NGDN: variants seen among roughly 807,000 people sequenced by gnomAD.
NGDN encodes the protein EIF4E-binding protein.
Under a neutral mutation model 45.2 loss-of-function variants are expected in NGDN, and 41 were observed. That is an observed-to-expected ratio of 0.91 (90% CI 0.71 to 1.18). The LOEUF is 1.18. Ranked by LOEUF, NGDN falls within the 50% of genes most tolerant of loss-of-function variation. The pLI, the probability that NGDN is intolerant of heterozygous loss-of-function variation, is 0.00. For missense variants in NGDN, 402 were observed against 399.9 expected, an observed-to-expected ratio of 1.01 and a Z score of -0.05; for synonymous variants, 137 against 130.9, an observed-to-expected ratio of 1.05 and a Z score of -0.32.
chr14:23,475,960 A>G, intron 6 of NGDN, 69 bp from the exon 7 acceptor site: 3 of 1,597,144 alleles, frequency 1.9e-6, no homozygotes, highest in Non-Finnish European at 2.6e-6. Flanking sequence ...AGGGTACTCC[A>G]GCTTTGGGTT....
chr14:23,475,087 A>G (rs1167653577), intron 3 of NGDN, 84 bp from the exon 4 acceptor site: 13 of 1,430,496 alleles, frequency 9.1e-6, no homozygotes, highest in East Asian at 2.3e-5. Flanking sequence ...TTGAACTTGG[A>G]AAAACATCCC....
intron 10 of NGDN, chr14:23,477,796 C>A (rs1893938793): frequency 6.9e-7 from 1 of 1,457,148 alleles, no homozygotes; most frequent in Non-Finnish European, 9.0e-7. Context: ...TTCAGGCTTC[C>A]CTAAATAGAA....
At chr14:23,472,099 C>T (rs576800429) in intron 3 of NGDN, among the ~76,000 whole-genome samples, 10 of 144,726 alleles carry the variant, frequency 6.9e-5, no homozygotes, top group Non-Finnish European at 1.0e-4. Context: ...GTGAATGGAT[C>T]GGTTGAGCCC....
At chr14:23,470,362 A>C in intron 2 of NGDN, 1 of 461,976 alleles carries the variant, frequency 2.2e-6, no homozygotes, top group South Asian at 2.6e-5. Context: ...GAATGGTAAC[A>C]TGACTTGCCC....
chr14:23,473,241 C>T (rs563275891), intron 3 of NGDN, among the ~76,000 whole-genome samples: 2 of 152,168 alleles, frequency 1.3e-5, no homozygotes, highest in African/African-American at 4.8e-5. Flanking sequence ...TCAGGTGATC[C>T]ACCCACCTCG....
At chr14:23,474,618 T>C (rs1406733137) in intron 3 of NGDN, among the ~76,000 whole-genome samples, 1 of 152,226 alleles carries the variant, frequency 6.6e-6, no homozygotes. Flanking sequence ...TATTACACTT[T>C]CTACAACTTG....
intron 3 of NGDN, among the ~76,000 whole-genome samples, chr14:23,473,514 A>G (rs1893831270): frequency 6.6e-6 from 1 of 152,056 alleles, no homozygotes. Context: ...CAGGGAGGAA[A>G]TGTACATATT....
rs1893920858 is a variant in NGDN at position 23,477,127 on chromosome 14, T to A, written c.714-73T>A. The A allele has an allele frequency of 5.5e-6, 8 of 1,456,138 alleles. No individual in the cohort carries two copies. In the South Asian group the frequency reaches 9.5e-5, roughly 17 times the overall value. The allele number at this position is 1,456,138 out of a possible 1,614,324, so 90.2% of individuals were successfully genotyped here. Reference sequence around the variant, plus strand: ...CCTGAACAAGAGATGAGTAGATACTTGGGCCCAGGTTGTGGGCTGGAGCTT... The same window carrying A: ...CCTGAACAAGAGATGAGTAGATACTAGGGCCCAGGTTGTGGGCTGGAGCTT... On this transcript the variant is annotated intron_variant, in intron 8 of 10. Coordinates refer to ENST00000408901, the MANE Select transcript of NGDN (RefSeq NM_001042635.2).
intron 6 of NGDN, 58 bp downstream of exon 6, chr14:23,475,836 C>G (rs1893889245): frequency 1.3e-6 from 2 of 1,527,800 alleles, no homozygotes; most frequent in South Asian, 1.1e-5. Flanking sequence ...CTAGATGAGC[C>G]TCTTGGTGAT....
rs200386931 is a variant in NGDN, at chr14:23,470,004, A to G, written c.13-38A>G. 6.2e-6 allele frequency: 10 copies of G among 1,608,980 alleles called. No homozygotes were observed. The African/African-American group carries it at 8.0e-5, about 13-fold the overall frequency. On this transcript the variant is annotated intron_variant, in intron 1 of 10. Transcript: ENST00000408901. ...TCCACTTTCCTATAATCCTGAGGAA[A>G]GAATGACTTTTCTTTACGCCTCCTC...
At chr14:23,478,254 G>T, downstream of NGDN, 2 of 437,338 alleles carry the variant, frequency 4.6e-6, no homozygotes, top group Non-Finnish European at 8.1e-6. Context: ...TGGTGAAAAG[G>T]GAAATTTTTT....
intron 3 of NGDN, among the ~76,000 whole-genome samples, chr14:23,473,477 T>C (rs1460076696): frequency 1.3e-5 from 2 of 152,176 alleles, no homozygotes; most frequent in Non-Finnish European, 2.9e-5. Flanking sequence ...CATTATCTTA[T>C]TTGGGCCTCA....
At chr14:23,474,579 A>C (rs1000009557) in intron 3 of NGDN, among the ~76,000 whole-genome samples, 1 of 146,462 alleles carries the variant, frequency 6.8e-6, no homozygotes, top group African/African-American at 2.5e-5. Flanking sequence ...ATCCCCCCCT[A>C]CACACACACA....
chr14:23,470,115 C>T lies in NGDN; in HGVS notation c.72+14C>T, dbSNP rs199535311. ...CTCCAGGAGCAAGTGAGTAGTGTCG[C>T]CTCTGGAATAAATTAGTCACGGATT... On this transcript the variant is annotated intron_variant, in intron 2 of 10. Transcript: ENST00000408901. 6 of 1,612,378 alleles carry T rather than the reference C, an allele frequency of 3.7e-6. No homozygotes were observed. The East Asian group carries it at 6.7e-5, about 18-fold the overall frequency.
At chr14:23,473,252 G>A (rs1370582202) in intron 3 of NGDN, among the ~76,000 whole-genome samples, 2 of 152,178 alleles carry the variant, frequency 1.3e-5, no homozygotes, top group Non-Finnish European at 2.9e-5. Context: ...ACCCACCTCG[G>A]CATCCCAAAG....
intron 3 of NGDN, among the ~76,000 whole-genome samples, chr14:23,472,615 TC>T (rs1893807957): frequency 1.3e-5 from 2 of 152,340 alleles, no homozygotes; most frequent in South Asian, 4.1e-4. Flanking sequence ...GGATCTCTCA[TC>T]CCTACTTAAC....
rs547054102 is a variant in NGDN at position 23,475,064 on chromosome 14, G to A, written c.145-107G>A. On this transcript the variant is annotated intron_variant, in intron 3 of 10. Transcript: ENST00000408901. The stretch of plus-strand genomic sequence containing the variant: ...CTATTCCAGATACCTAATATGAACT[G>A]ATTGGGAAAATCTTGAACTTGGAAA... The A allele has an allele frequency of 5.8e-6, 7 of 1,199,478 alleles. No individual in the cohort carries two copies. The South Asian group carries it at 9.5e-5, about 16-fold the overall frequency. The allele number at this position is 1,199,478 out of a possible 1,614,324, so 74.3% of individuals were successfully genotyped here.
At chr14:23,474,037 C>CA (rs10713402) in intron 3 of NGDN, among the ~76,000 whole-genome samples, 1,564 of 88,724 alleles carry the variant, frequency 0.018, 34 homozygotes, top group African/African-American at 0.062. Context: ...GACTCCATCT[C>CA]AAAAAAAAAA....
chr14:23,475,212 G>C lies in NGDN; in HGVS notation c.186G>C (p.Met62Ile). Residue 62 changes from methionine (M) to isoleucine (I), a missense_variant, in exon 4 of 11, where the codon ATG (methionine) becomes ATC (isoleucine). By Grantham distance (10) the Met-to-Ile change is conservative. Coordinates refer to ENST00000408901, the MANE Select transcript of NGDN (RefSeq NM_001042635.2). ...AAGTGAAAGACCAGCTGCTGCTCATGTACCTTATGGATTTGACCCACCTCA... is the reference window on the plus strand; with the variant it reads ...AAGTGAAAGACCAGCTGCTGCTCATCTACCTTATGGATTTGACCCACCTCA... ...FLEVKDQLLL[M>I]YLMDLTHLIL... 6.2e-7 allele frequency: 1 copy of C among 1,614,038 alleles called. No individual in the cohort carries two copies. The highest frequency in any genetic ancestry group is 8.5e-7 in the Non-Finnish European group (1 of 1,179,962).
Sources: gnomAD v4.1 joint callset for allele counts (sites outside exome capture counted in the v4.1 genomes callset) on GRCh38, gnomAD v4.1.1 for gene constraint, MANE v1.5 for transcripts, NCBI Gene and HGNC (gene_info 2026-07-23, HGNC 2026-07-21) for gene names.